The following XKR9 variants were observed in gnomAD, a reference collection of about 807,000 sequenced individuals.
XKR9 encodes the protein XK-related protein 9.
In XKR9, 32 loss-of-function variants were observed where a neutral mutation model predicts 32.0. That is an observed-to-expected ratio of 1.00 (90% CI 0.76 to 1.34). XKR9 has a LOEUF of 1.34. Among genes scored for constraint, XKR9 ranks in the 40% most tolerant of loss-of-function variants. The pLI is 0.00. For missense variants in XKR9, 546 were observed against 429.7 expected, an observed-to-expected ratio of 1.27 and a Z score of -2.39; for synonymous variants, 168 against 143.4, an observed-to-expected ratio of 1.17 and a Z score of -1.22.
chr8:70,684,599 A>T (rs1220712800), intron 3 of XKR9, among the ~76,000 whole-genome samples: 1 of 152,138 alleles, frequency 6.6e-6, no homozygotes, highest in African/African-American at 2.4e-5. Flanking sequence ...AATTGATCTG[A>T]CAAAGGGCTA....
the XKR9 span, among the ~76,000 whole-genome samples, chr8:70,799,484 C>T: frequency 4.6e-5 from 7 of 152,078 alleles, no homozygotes; most frequent in African/African-American, 7.2e-5. Context: ...GTGCGTGCCA[C>T]CATGCCCAGC....
At chr8:70,670,162 G>C (rs1299640473) in intron 1 of XKR9, among the ~76,000 whole-genome samples, 1 of 152,124 alleles carries the variant, frequency 6.6e-6, no homozygotes, top group Non-Finnish European at 1.5e-5. Flanking sequence ...TGCGTGTGCG[G>C]CCTTGCTCCT....
the XKR9 span, among the ~76,000 whole-genome samples, chr8:70,833,103 T>G: frequency 1.3e-5 from 2 of 152,226 alleles, no homozygotes; most frequent in Non-Finnish European, 2.9e-5. Context: ...CACCTGTGTA[T>G]GTTTTCCTTA....
chr8:70,921,815 C>G, the XKR9 span, among the ~76,000 whole-genome samples: 1 of 152,176 alleles, frequency 6.6e-6, no homozygotes, highest in Non-Finnish European at 1.5e-5. Flanking sequence ...CAAAATAAAG[C>G]AAAATCCCCA....
At chr8:70,864,247 T>G in the XKR9 span, among the ~76,000 whole-genome samples, 2 of 152,172 alleles carry the variant, frequency 1.3e-5, no homozygotes. Flanking sequence ...AGCTTGGAGT[T>G]TAAAAGGAAA....
chr8:70,742,904 C>T (rs1273088136), intron 2 of XKR9, among the ~76,000 whole-genome samples: 1 of 151,716 alleles, frequency 6.6e-6, no homozygotes, highest in Non-Finnish European at 1.5e-5. Context: ...CTAGTTTTTT[C>T]TTTGTATTTC....
chr8:70,793,358 A>T (rs1807788641), downstream of XKR9, among the ~76,000 whole-genome samples: 1 of 152,074 alleles, frequency 6.6e-6, no homozygotes, highest in Admixed American at 6.6e-5. Context: ...TACATTAATC[A>T]ATGGATTAAT....
chr8:70,743,972 C>T (rs199827143), intron 2 of XKR9, among the ~76,000 whole-genome samples: 3 of 151,992 alleles, frequency 2.0e-5, no homozygotes, highest in East Asian at 3.9e-4. Context: ...ATTTGTGAGA[C>T]GATTTGTGCA....
At chr8:71,032,308 A>AAAAC in the XKR9 span, among the ~76,000 whole-genome samples, 3 of 141,128 alleles carry the variant, frequency 2.1e-5, no homozygotes, top group African/African-American at 7.7e-5. Flanking sequence ...AAAAAAAAAA[A>AAAAC]CCACTTTGGA....
At chr8:71,026,842 A>C in the XKR9 span, among the ~76,000 whole-genome samples, 1 of 152,234 alleles carries the variant, frequency 6.6e-6, no homozygotes, top group African/African-American at 2.4e-5. Flanking sequence ...ATTTCATACT[A>C]ACAAGGGTAA....
intron 2 of XKR9, among the ~76,000 whole-genome samples, chr8:70,748,078 C>T (rs181249044): frequency 3.9e-5 from 6 of 152,206 alleles, no homozygotes; most frequent in Non-Finnish European, 7.4e-5. Flanking sequence ...TCCACATGTA[C>T]GAGATAGCAA....
intron 3 of XKR9, among the ~76,000 whole-genome samples, chr8:70,701,833 A>G (rs758391772): frequency 2.6e-5 from 4 of 152,082 alleles, no homozygotes; most frequent in Non-Finnish European, 4.4e-5. Flanking sequence ...AGGATGTTTC[A>G]TTTTCCAGAA....
chr8:71,024,202 T>G, the XKR9 span, among the ~76,000 whole-genome samples: 2 of 152,146 alleles, frequency 1.3e-5, no homozygotes, highest in African/African-American at 4.8e-5. Flanking sequence ...TGCACTGCAG[T>G]TCAGCTGCTG....
intron 3 of XKR9, among the ~76,000 whole-genome samples, chr8:70,702,532 A>C (rs1179519953): frequency 6.6e-6 from 1 of 152,164 alleles, no homozygotes; most frequent in Non-Finnish European, 1.5e-5. Flanking sequence ...TAAAATCCTC[A>C]ACTGAGAATG....
At chr8:70,863,432 T>A in the XKR9 span, among the ~76,000 whole-genome samples, 34 of 152,340 alleles carry the variant, frequency 2.2e-4, 1 homozygote, top group South Asian at 7.0e-3. Context: ...ATCCTGTCAC[T>A]GTGTCTTTGT....
intron 2 of XKR9, among the ~76,000 whole-genome samples, chr8:70,768,812 G>A (rs886495987): frequency 1.3e-5 from 2 of 150,294 alleles, no homozygotes; most frequent in Admixed American, 6.7e-5. Context: ...TTTATTTTGA[G>A]CCTATATGTG....
chr8:70,720,659 G>A (rs1373481475), intron 4 of XKR9, among the ~76,000 whole-genome samples: 7 of 152,094 alleles, frequency 4.6e-5, no homozygotes, highest in Non-Finnish European at 7.4e-5. Context: ...TGACTTGATC[G>A]TGGTAGATAA....
chr8:71,048,085 G>A, the XKR9 span, among the ~76,000 whole-genome samples: 4 of 152,070 alleles, frequency 2.6e-5, no homozygotes, highest in East Asian at 1.9e-4. Context: ...GACACATTCC[G>A]TGTGTGAGGG....
At chr8:70,702,562 C>T (rs1805576760) in intron 3 of XKR9, among the ~76,000 whole-genome samples, 1 of 152,092 alleles carries the variant, frequency 6.6e-6, no homozygotes, top group South Asian at 2.1e-4. Flanking sequence ...CTTTTTCTCA[C>T]TTTACCTTTG....
Sources: gnomAD v4.1 joint callset for allele counts (sites outside exome capture counted in the v4.1 genomes callset) on GRCh38, gnomAD v4.1.1 for gene constraint, MANE v1.5 for transcripts, NCBI Gene and HGNC (gene_info 2026-07-23, HGNC 2026-07-21) for gene names.